Variants in RASL12 observed in about 807,000 individuals in gnomAD.
RASL12 encodes the protein ras-like protein family member 12.
In RASL12, 16 loss-of-function variants were observed where a neutral mutation model predicts 22.9. The ratio of observed to expected loss-of-function variants is 0.70; its 90% confidence interval spans 0.47 to 1.06. The LOEUF (loss-of-function observed/expected upper bound fraction) is 1.06. RASL12 is among the 50% of genes least tolerant of loss of function. RASL12 has a pLI of 0.00. For missense variants in RASL12, 306 were observed against 353.1 expected, an observed-to-expected ratio of 0.87 and a Z score of 1.07; for synonymous variants, 159 against 152.2, an observed-to-expected ratio of 1.04 and a Z score of -0.33.
downstream of RASL12, chr15:65,050,086 T>C: frequency 6.4e-7 from 1 of 1,551,622 alleles, no homozygotes; most frequent in Non-Finnish European, 8.7e-7. Flanking sequence ...GCTTTGGTTT[T>C]TTCGTGTGGA....
exon 1 of RASL12, chr15:65,076,626 A>T: frequency 1.4e-6 from 1 of 700,048 alleles, no homozygotes; most frequent in Non-Finnish European, 2.6e-6. Flanking sequence ...GTGATCACAC[A>T]GGTCTCCAGA....
intron 1 of RASL12, among the ~76,000 whole-genome samples, chr15:65,074,177 C>A (rs886871056): frequency 7.3e-6 from 1 of 137,322 alleles, no homozygotes. Context: ...CCCAGCCTGG[C>A]CCAATGTACT....
chr15:65,076,219 C>A (rs973779428), intron 1 of RASL12, among the ~76,000 whole-genome samples: 1 of 152,182 alleles, frequency 6.6e-6, no homozygotes, highest in Admixed American at 6.5e-5. Context: ...ACGCTTTATT[C>A]TTTTCCTCTT....
intron 4 of RASL12, among the ~76,000 whole-genome samples, chr15:65,057,547 G>C (rs2086747672): frequency 6.6e-6 from 1 of 152,172 alleles, no homozygotes; most frequent in Admixed American, 6.5e-5. Context: ...TGCCAGCCAA[G>C]CAAAATATGG....
Position 65,054,008 on chromosome 15 carries a change from G to T in RASL12, c.*891C>A. ...TCCTGCCAAACCAGATGACAAACGG[G>T]TATACTGTGTTTCTACCTGCAGGGG... is the stretch of plus-strand genomic sequence containing the variant. On this transcript the variant is annotated 3_prime_UTR_variant, in exon 5 of 5. Transcript: ENST00000220062. 1 of 985,910 alleles carries T rather than the reference G, an allele frequency of 1.0e-6. No homozygotes were observed. 61.1% of individuals were successfully genotyped at this position (985,910 alleles called of 1,614,324 possible).
chr15:65,057,861 G>A (rs567479912), intron 4 of RASL12, among the ~76,000 whole-genome samples: 1 of 152,342 alleles, frequency 6.6e-6, no homozygotes, highest in African/African-American at 2.4e-5. Flanking sequence ...AGACCCAAGA[G>A]CGCGGAAGGA....
At chr15:65,059,567 A>G (rs2086777684) in intron 2 of RASL12, 149 bp from the exon 3 acceptor site, 1 of 654,188 alleles carries the variant, frequency 1.5e-6, no homozygotes, top group South Asian at 1.8e-5. Context: ...TCTCACCCAC[A>G]TGGAGGCTAC....
intron 2 of RASL12, among the ~76,000 whole-genome samples, chr15:65,064,265 T>C (rs2086850010): frequency 6.6e-6 from 1 of 152,260 alleles, no homozygotes; most frequent in African/African-American, 2.4e-5. Context: ...TTACATGTGC[T>C]ATTTCTTTAA....
intron 2 of RASL12, among the ~76,000 whole-genome samples, chr15:65,059,825 C>T (rs186379559): frequency 3.2e-4 from 48 of 152,308 alleles, no homozygotes; most frequent in African/African-American, 1.2e-3. Context: ...AACCTCCTGT[C>T]CCCAGTGGGA....
At chr15:65,071,471 G>A (rs957414597), upstream of RASL12, among the ~76,000 whole-genome samples, 5 of 152,256 alleles carry the variant, frequency 3.3e-5, no homozygotes, top group Middle Eastern at 3.4e-3. Context: ...ACCCCACCGG[G>A]GCCTTGGGGG....
downstream of RASL12, among the ~76,000 whole-genome samples, chr15:65,051,853 G>A (rs1194141539): frequency 2.6e-5 from 4 of 152,174 alleles, no homozygotes; most frequent in South Asian, 8.3e-4. Context: ...ATGACCTGGA[G>A]GAGTGTAGCC....
Position 65,054,315 on chromosome 15 carries a change from T to A in RASL12, c.*584A>T. The A allele has an allele frequency of 1.0e-6, 1 of 985,764 alleles. No homozygotes were observed. Among genetic ancestry groups the A allele is most frequent in the Non-Finnish European group, 1.2e-6 (1 of 830,118 alleles). The allele number at this position is 985,764 out of a possible 1,614,324, so 61.1% of individuals were successfully genotyped here. On this transcript the variant is annotated 3_prime_UTR_variant, in exon 5 of 5. Coordinates refer to ENST00000220062, the MANE Select transcript of RASL12 (RefSeq NM_016563.4). ...GTTGGAAATACCCCTTCCTGGGGCTTCTGTCCATTGGATTATTTTAACTAG... is the reference window on the plus strand; with the variant it reads ...GTTGGAAATACCCCTTCCTGGGGCTACTGTCCATTGGATTATTTTAACTAG...
In RASL12 at chr15:65,067,890, G is replaced by C; in HGVS notation, c.-55C>G. Reference sequence around the variant, plus strand: ...GCGGCCGGTGGGCCCCGCGCAGTGCGCCCGCCCGTCGGGGCCCAGGGGAGC... The same window carrying C: ...GCGGCCGGTGGGCCCCGCGCAGTGCCCCCGCCCGTCGGGGCCCAGGGGAGC... On this transcript the variant is annotated 5_prime_UTR_variant, in exon 1 of 5. Transcript: ENST00000220062. The C allele has an allele frequency of 7.2e-7, 1 of 1,380,530 alleles. No homozygotes were observed. Among genetic ancestry groups the C allele is most frequent in the Non-Finnish European group, 9.3e-7 (1 of 1,072,776 alleles). The allele number at this position is 1,380,530 out of a possible 1,614,324, so 85.5% of individuals were successfully genotyped here. A position where few individuals can be genotyped will look rare whatever the true frequency, so the allele number is the denominator to read the frequency against.
At chr15:65,058,738 C>T (rs2140520160) in intron 3 of RASL12, 121 bp from the exon 4 acceptor site, 1 of 760,214 alleles carries the variant, frequency 1.3e-6, no homozygotes, top group East Asian at 3.1e-5. Flanking sequence ...CTCAGCAGAG[C>T]CCTTTCAAAG....
chr15:65,075,371 G>T (rs979778890), intron 1 of RASL12, among the ~76,000 whole-genome samples: 2 of 152,210 alleles, frequency 1.3e-5, no homozygotes. Context: ...GCTCCACGGT[G>T]CCCAGTCCCA....
rs574572953 is a variant in RASL12, at chr15:65,058,678, C to G, written c.235-61G>C. ...AGGAGGTTGGGGTAAAGGCCTTCAC[C>G]TGAGCCGCCCAATCCCACCTCCCCA... On this transcript the variant is annotated intron_variant, in intron 3 of 4. Transcript: ENST00000220062. The G allele has an allele frequency of 2.5e-5, 32 of 1,293,766 alleles. No homozygotes were observed. In the African/African-American group the frequency reaches 4.5e-4, roughly 18 times the overall value. 80.1% of individuals were successfully genotyped at this position (1,293,766 alleles called of 1,614,324 possible).
At chr15:65,068,267 C>T (rs1375294977), upstream of RASL12, 4 of 985,264 alleles carry the variant, frequency 4.1e-6, no homozygotes, top group African/African-American at 7.0e-5. The surrounding 1 kb of genome is among the most constrained non-coding windows in gnomAD (Gnocchi z 4.2). Flanking sequence ...TTGCACTCTT[C>T]CCTGAACCTC....
Position 65,054,002 on chromosome 15 carries a change from A to G in RASL12, c.*897T>C. 5.1e-6 allele frequency: 5 copies of G among 985,908 alleles called. No homozygotes were observed. Among genetic ancestry groups the G allele is most frequent in the Non-Finnish European group, 6.0e-6 (5 of 829,964 alleles). 61.1% of individuals were successfully genotyped at this position (985,908 alleles called of 1,614,324 possible). On this transcript the variant is annotated 3_prime_UTR_variant, in exon 5 of 5. Coordinates refer to ENST00000220062, the MANE Select transcript of RASL12 (RefSeq NM_016563.4). ...CCTGGGTCCTGCCAAACCAGATGAC[A>G]AACGGGTATACTGTGTTTCTACCTG...
chr15:65,051,416 G>T, downstream of RASL12: 1 of 1,120,828 alleles, frequency 8.9e-7, no homozygotes, highest in Non-Finnish European at 1.3e-6. Context: ...AAGGACAGTT[G>T]ATGCTGTAAG....
Sources: gnomAD v4.1 joint callset for allele counts (sites outside exome capture counted in the v4.1 genomes callset) on GRCh38, gnomAD v4.1.1 for gene constraint, Gnocchi (gnomAD v3.1) non-coding constraint, MANE v1.5 for transcripts, NCBI Gene and HGNC (gene_info 2026-07-23, HGNC 2026-07-21) for gene names.